DCLK2: variants seen among roughly 807,000 people sequenced by gnomAD.
The protein encoded by DCLK2 is doublecortin like kinase 2.
Under a neutral mutation model 78.4 loss-of-function variants are expected in DCLK2, and 31 were observed. That is an observed-to-expected ratio of 0.40 (90% CI 0.30 to 0.53). The LOEUF (loss-of-function observed/expected upper bound fraction) is 0.53. DCLK2 is among the 20% of genes least tolerant of loss of function. DCLK2 has a pLI of 0.61. For synonymous variants in DCLK2, 407 were observed against 374.9 expected, an observed-to-expected ratio of 1.09 and a Z score of -0.99; for missense variants, 872 against 973.7, an observed-to-expected ratio of 0.90 and a Z score of 1.39.
rs1560835338 is a variant in DCLK2, at chr4:150,175,123, A to ATATATTTATATATTTT, written c.757-18010_757-18009insTTATATATTTTTATAT. On this transcript the variant is annotated intron_variant, in intron 2 of 15. Coordinates refer to ENST00000296550, the MANE Select transcript of DCLK2 (RefSeq NM_001040260.4). ...ATATATTTATATATTTATATTTTTT[A>ATATATTTATATATTTT]TATATATATAATTTATGTATATTTT... Among the ~76,000 whole-genome samples, 42 of 63,670 alleles carry ATATATTTATATATTTT rather than the reference A, an allele frequency of 6.6e-4. 11 individuals are homozygous for ATATATTTATATATTTT. The highest frequency in any genetic ancestry group is 2.2e-3 in the African/African-American group (35 of 16,006). 41.8% of individuals were successfully genotyped at this position (63,670 alleles called of 152,430 possible).
At chr4:150,222,665 G>T (rs1741274162) in intron 7 of DCLK2, among the ~76,000 whole-genome samples, 1 of 151,618 alleles carries the variant, frequency 6.6e-6, no homozygotes, top group Admixed American at 6.6e-5. Context: ...AGCCACCATG[G>T]TGAAACCCCA....
chr4:150,127,564 A>C (rs1458726717), intron 2 of DCLK2, among the ~76,000 whole-genome samples: 1 of 152,154 alleles, frequency 6.6e-6, no homozygotes, highest in Non-Finnish European at 1.5e-5. Flanking sequence ...TATGGGGAGT[A>C]AGGATTATAG....
At chr4:150,186,462 GTTC>G (rs1457503513) in intron 2 of DCLK2, among the ~76,000 whole-genome samples, 7 of 152,232 alleles carry the variant, frequency 4.6e-5, no homozygotes, top group African/African-American at 1.7e-4. Flanking sequence ...TAGTCAGGGT[GTTC>G]TTCTATAACA....
intron 10 of DCLK2, among the ~76,000 whole-genome samples, chr4:150,235,552 A>C (rs1251419620): frequency 6.6e-6 from 1 of 152,150 alleles, no homozygotes; most frequent in Non-Finnish European, 1.5e-5. Context: ...AAGGAAGAAG[A>C]GGATAAAACT....
chr4:150,248,413 G>A (rs1424040993), intron 14 of DCLK2, 28 bp downstream of exon 14: 1 of 1,585,432 alleles, frequency 6.3e-7, no homozygotes, highest in East Asian at 2.2e-5. Context: ...CAGGGAATGG[G>A]CCTCACTGTG....
In DCLK2 at chr4:150,079,207, G is replaced by A. The variant is rs747954667; in HGVS notation, c.180G>A (p.Arg60=). 2 of 1,612,016 alleles carry A rather than the reference G, an allele frequency of 1.2e-6. No homozygotes were observed. The highest frequency in any genetic ancestry group is 8.5e-7 in the Non-Finnish European group (1 of 1,179,176). Residue 60 remains arginine (R), a synonymous_variant, in exon 1 of 16, where the codon CGG becomes CGA. Coordinates refer to ENST00000296550, the MANE Select transcript of DCLK2 (RefSeq NM_001040260.4). ...CCCACTGCAGCTTCTACCGCACGCGGACCCTGCAGGCCCTCAGCTCGGAGA... is the reference window on the plus strand; with the variant it reads ...CCCACTGCAGCTTCTACCGCACGCGAACCCTGCAGGCCCTCAGCTCGGAGA... ...HSAHCSFYRT[R]TLQALSSEKK...
intron 1 of DCLK2, among the ~76,000 whole-genome samples, chr4:150,097,485 C>T (rs778173098): frequency 1.3e-5 from 2 of 152,106 alleles, no homozygotes; most frequent in Non-Finnish European, 2.9e-5. Flanking sequence ...CTTTTAATGA[C>T]CTCTTTCTTC....
At chr4:150,214,337 A>G (rs1293869164) in intron 5 of DCLK2, among the ~76,000 whole-genome samples, 1 of 152,210 alleles carries the variant, frequency 6.6e-6, no homozygotes, top group Admixed American at 6.5e-5. Context: ...AATTTTTGAA[A>G]TCTTCCTATG....
intron 2 of DCLK2, among the ~76,000 whole-genome samples, chr4:150,175,011 A>AATATATATATATATAT (rs1327523541): frequency 1.0e-4 from 1 of 9,976 alleles, no homozygotes; most frequent in African/African-American, 2.6e-4. Context: ...AAAAAAAAAA[A>AATATATATATATATAT]ATATATATAT....
intron 2 of DCLK2, among the ~76,000 whole-genome samples, chr4:150,186,309 A>G (rs1187910170): frequency 6.6e-6 from 1 of 152,234 alleles, no homozygotes; most frequent in Non-Finnish European, 1.5e-5. Context: ...GGTAAAAGGA[A>G]CATACAGATT....
chr4:150,227,992 G>C (rs953403853), intron 8 of DCLK2, among the ~76,000 whole-genome samples: 1 of 152,174 alleles, frequency 6.6e-6, no homozygotes, highest in Non-Finnish European at 1.5e-5. Flanking sequence ...GGGGGTTTTG[G>C]GGAGAATCTG....
intron 2 of DCLK2, among the ~76,000 whole-genome samples, chr4:150,105,015 C>G (rs1019746597): frequency 6.6e-6 from 1 of 152,000 alleles, no homozygotes; most frequent in African/African-American, 2.4e-5. Context: ...TGAATTTAAT[C>G]TGGAAAAATA....
intron 6 of DCLK2, 71 bp downstream of exon 6, chr4:150,220,849 C>T: frequency 8.3e-7 from 1 of 1,209,968 alleles, no homozygotes; most frequent in Middle Eastern, 1.9e-4. Context: ...ACCTAAAACT[C>T]ACTTGTGCTA....
At chr4:150,190,656 G>T (rs781010470) in intron 2 of DCLK2, among the ~76,000 whole-genome samples, 7 of 152,124 alleles carry the variant, frequency 4.6e-5, no homozygotes, top group Non-Finnish European at 8.8e-5. Flanking sequence ...GGTTTATGGG[G>T]AGTGACTGCT....
intron 4 of DCLK2, 97 bp from the exon 5 acceptor site, chr4:150,203,698 A>T: frequency 1.2e-6 from 1 of 867,754 alleles, no homozygotes; most frequent in Non-Finnish European, 1.7e-6. Context: ...TTGAAGCTTC[A>T]TTGGACCTAT....
At chr4:150,229,332 A>T (rs1741863776) in intron 8 of DCLK2, among the ~76,000 whole-genome samples, 1 of 152,148 alleles carries the variant, frequency 6.6e-6, no homozygotes, top group Non-Finnish European at 1.5e-5. Context: ...TTCTCAAAAA[A>T]AGAAAACTAC....
At chr4:150,176,543 A>G (rs1268460546) in intron 2 of DCLK2, among the ~76,000 whole-genome samples, 3 of 152,314 alleles carry the variant, frequency 2.0e-5, no homozygotes, top group African/African-American at 7.2e-5. Context: ...GAAATAATGT[A>G]CCAAAACATC....
At chr4:150,120,104 G>C (rs796399865) in intron 2 of DCLK2, among the ~76,000 whole-genome samples, 2 of 152,204 alleles carry the variant, frequency 1.3e-5, no homozygotes, top group African/African-American at 4.8e-5. Context: ...TTAATGAAAG[G>C]GTCATTTATT....
intron 2 of DCLK2, among the ~76,000 whole-genome samples, chr4:150,190,933 TTACC>T (rs918298060): frequency 2.0e-5 from 3 of 151,994 alleles, no homozygotes; most frequent in Non-Finnish European, 4.4e-5. Context: ...CTCTACCTAC[TTACC>T]TACCTACCTA....
Sources: allele counts gnomAD v4.1 joint callset (sites outside exome capture counted in the v4.1 genomes callset), GRCh38; gene constraint gnomAD v4.1.1; transcripts MANE v1.5; gene names NCBI Gene and HGNC (gene_info 2026-07-23, HGNC 2026-07-21).